CD5L: variants seen among roughly 807,000 people sequenced by gnomAD.
The protein encoded by CD5L is CD5 antigen-like.
CD5L carries 39 observed loss-of-function variants against 40.8 expected under a neutral mutation model. The ratio of observed to expected loss-of-function variants is 0.96; its 90% CI spans 0.74 to 1.25. The LOEUF (loss-of-function observed/expected upper bound fraction) is 1.25. Among genes scored for constraint, CD5L ranks in the 50% most tolerant of loss-of-function variants. The pLI is 0.00. For synonymous variants in CD5L, 192 were observed against 169.6 expected (o/e 1.13, Z -1.03); for missense variants, 433 against 435.9 (o/e 0.99, Z 0.06).
chr1:157,838,599 G>C (rs1656282772), intron 2 of CD5L, among the ~76,000 whole-genome samples: 1 of 151,648 alleles, frequency 6.6e-6, no homozygotes, highest in Admixed American at 6.6e-5. Context: ...GAAATTCAGG[G>C]AAAGAAGAAA....
At position 157,831,008 on chromosome 1, in the gene CD5L, C is replaced by G; in HGVS notation, c.*956G>C. On this transcript the variant is annotated 3_prime_UTR_variant, in exon 6 of 6. Coordinates refer to ENST00000368174, the MANE Select transcript of CD5L (RefSeq NM_005894.3). ...GCCTAGCCTCAGAATCTAAAGTTGT[C>G]AATTTTTACAATCAAGTCTTGATTC... 1 of 985,246 alleles carries G rather than the reference C, an allele frequency of 1.0e-6. No individual in the cohort carries two copies. The highest frequency in any genetic ancestry group is 1.2e-6 in the Non-Finnish European group (1 of 829,800). The allele number at this position is 985,246 out of a possible 1,614,324, so 61.0% of individuals were successfully genotyped here.
Position 157,831,867 on chromosome 1 carries a change from C to A in CD5L, c.*97G>T. On this transcript the variant is annotated 3_prime_UTR_variant, in exon 6 of 6. Transcript: ENST00000368174. ...GGGGATGAGGGAGTAGTGGCTCAAG[C>A]CTGAGCCCCAGAATGAGTATGAGGA... The A allele has an allele frequency of 6.7e-7, 1 of 1,482,268 alleles. No homozygotes were observed. The highest frequency in any genetic ancestry group is 8.9e-7 in the Non-Finnish European group (1 of 1,121,328). 91.8% of individuals were successfully genotyped at this position (1,482,268 alleles called of 1,614,324 possible).
rs139427167 is a variant in CD5L at position 157,835,013 on chromosome 1, A to T, written c.377-265T>A. 6.4e-3 allele frequency among the ~76,000 whole-genome samples: 976 copies of T among 152,326 alleles called. 11 individuals carry two copies. Among genetic ancestry groups the T allele is most frequent in the African/African-American group, 0.022 (929 of 41,568 alleles). On this transcript the variant is annotated intron_variant, in intron 3 of 5. Coordinates refer to ENST00000368174, the MANE Select transcript of CD5L (RefSeq NM_005894.3). ...GTTTTCATGTTCAACTTGTCATTTG[A>T]TCCTCACAAGAGATCTTGTATAGAC...
intron 2 of CD5L, among the ~76,000 whole-genome samples, chr1:157,838,835 C>A (rs1027746524): frequency 6.6e-6 from 1 of 152,228 alleles, no homozygotes; most frequent in East Asian, 1.9e-4. Flanking sequence ...TAATCCACAA[C>A]CCATAGCCTC....
At chr1:157,831,998 G>T in intron 5 of CD5L, 30 bp from the exon 6 acceptor site, 1 of 1,507,434 alleles carries the variant, frequency 6.6e-7, no homozygotes, top group South Asian at 1.2e-5. Context: ...ATGCAGTAAG[G>T]ATGGGTATAG....
At chr1:157,832,289 G>A (rs1465368504) in intron 5 of CD5L, among the ~76,000 whole-genome samples, 1 of 152,198 alleles carries the variant, frequency 6.6e-6, no homozygotes, top group Non-Finnish European at 1.5e-5. Context: ...AGGTTCTGAG[G>A]AGTTAAGTGA....
Position 157,833,398 on chromosome 1 carries a change from T to C in CD5L, c.833A>G (p.Asp278Gly), listed in dbSNP as rs1656102499. 12 of 1,614,058 alleles carry C rather than the reference T, an allele frequency of 7.4e-6. No homozygotes were observed. The highest frequency in any genetic ancestry group is 1.0e-5 in the Non-Finnish European group (12 of 1,179,998). The change falls in exon 5 of 6, where the codon GAC becomes GGC. Residue 278 changes from aspartate to glycine, a missense_variant. Physicochemically the swap from Asp to Gly is moderately conservative, Grantham distance 94 (BLOSUM62 -1). Transcript: ENST00000368174. ...VCDDNWGEKE[D>G]QVVCKQLGCG... ...GCCCAGTTGCTTGCATACCACCTGG[T>C]CCTCCTTTTCTCCCCAGTTGTCATC...
At chr1:157,841,128 G>A (rs140432715) in intron 1 of CD5L, among the ~76,000 whole-genome samples, 245 of 152,180 alleles carry the variant, frequency 1.6e-3, no homozygotes, top group African/African-American at 5.7e-3. Context: ...GGTAACCTAC[G>A]AATTCACACC....
chr1:157,841,692 G>T lies in CD5L; in HGVS notation c.10C>A (p.Leu4Ile). ...TACTCACCAAGGATCAAGGAGAATA[G>T]CAGAGCCATGACCAAGGCAGGTGAA... Reference protein sequence around the residue: MALLFSLILAICTR... With the variant: MALIFSLILAICTR... The change falls in exon 1 of 6, where the codon CTA becomes ATA. Residue 4 changes from leucine to isoleucine, a missense_variant. Transcript: ENST00000368174. 1 of 1,613,324 alleles carries T rather than the reference G, an allele frequency of 6.2e-7. No individual in the cohort carries two copies. Among genetic ancestry groups the T allele is most frequent in the Non-Finnish European group, 8.5e-7 (1 of 1,179,662 alleles).
In CD5L at chr1:157,831,084, A is replaced by G. The variant is rs1656034075; in HGVS notation, c.*880T>C. ...TACAGGCCCCAAAGTCTCAGTTGAT[A>G]AAGTGAAAATGATATTTTTCACTTT... is the stretch of plus-strand genomic sequence containing the variant. On this transcript the variant is annotated 3_prime_UTR_variant, in exon 6 of 6. Transcript: ENST00000368174. 1.5e-5 allele frequency: 15 copies of G among 985,424 alleles called. No homozygotes were observed. The highest frequency in any genetic ancestry group is 1.6e-5 in the Non-Finnish European group (13 of 829,916). 61.0% of individuals were successfully genotyped at this position (985,424 alleles called of 1,614,324 possible).
downstream of CD5L, among the ~76,000 whole-genome samples, chr1:157,830,689 T>C (rs767816636): frequency 6.6e-6 from 1 of 152,196 alleles, no homozygotes; most frequent in African/African-American, 2.4e-5. Context: ...CTATCAGAAG[T>C]GTGTTAGCCT....
downstream of CD5L, among the ~76,000 whole-genome samples, chr1:157,827,680 G>A (rs1428965927): frequency 1.7e-4 from 26 of 152,166 alleles, 2 homozygotes; most frequent in Admixed American, 1.7e-3. Context: ...AACTCATCTG[G>A]AAACATCTTC....
intron 5 of CD5L, among the ~76,000 whole-genome samples, chr1:157,832,299 A>G (rs1656071832): frequency 6.6e-6 from 1 of 152,234 alleles, no homozygotes; most frequent in African/African-American, 2.4e-5. Context: ...GAGTTAAGTG[A>G]CTAACATTAC....
At chr1:157,837,060 C>T (rs1220057992) in intron 2 of CD5L, among the ~76,000 whole-genome samples, 1 of 151,982 alleles carries the variant, frequency 6.6e-6, no homozygotes, top group African/African-American at 2.4e-5. Context: ...AGTTTAAGAC[C>T]AGCCTGGACC....
At chr1:157,833,967 T>A (rs902669912) in intron 4 of CD5L, among the ~76,000 whole-genome samples, 1 of 152,086 alleles carries the variant, frequency 6.6e-6, no homozygotes, top group Admixed American at 6.5e-5. Context: ...ACTCTCCACA[T>A]GTATTTCTGT....
In CD5L at chr1:157,831,112, C is replaced by T. The variant is rs995538891; in HGVS notation, c.*852G>A. 1 of 985,374 alleles carries T rather than the reference C, an allele frequency of 1.0e-6. No homozygotes were observed. 61.0% of individuals were successfully genotyped at this position (985,374 alleles called of 1,614,324 possible). Reference sequence around the variant, plus strand: ...GTGAAAATGATATTTTTCACTTTCGCTTGGCATAAGACACAACTTTAGCCC... The same window carrying T: ...GTGAAAATGATATTTTTCACTTTCGTTTGGCATAAGACACAACTTTAGCCC... On this transcript the variant is annotated 3_prime_UTR_variant, in exon 6 of 6. Coordinates refer to ENST00000368174, the MANE Select transcript of CD5L (RefSeq NM_005894.3).
Position 157,836,047 on chromosome 1 carries a change from A to G in CD5L, c.164T>C (p.Ile55Thr). The G allele has an allele frequency of 6.2e-7, 1 of 1,614,112 alleles. No individual in the cohort carries two copies. The stretch of plus-strand genomic sequence containing the variant: ...CCGGCACAACACAGCCACGTCCTTA[A>G]TGTCCCAGCCGTCATCACACACGGT... ...WGTVCDDGWD[I>T]KDVAVLCREL... is the part of the protein sequence containing the mutation. The change falls in exon 3 of 6, where the codon ATT becomes ACT. Residue 55 changes from isoleucine to threonine, a missense_variant. Coordinates refer to ENST00000368174, the MANE Select transcript of CD5L (RefSeq NM_005894.3).
At chr1:157,829,962 G>C (rs184614198), downstream of CD5L, among the ~76,000 whole-genome samples, 2 of 152,248 alleles carry the variant, frequency 1.3e-5, no homozygotes, top group African/African-American at 4.8e-5. Flanking sequence ...CTCTGTGGAA[G>C]GGCTTCCTCC....
chr1:157,829,158 T>G (rs1204355532), downstream of CD5L, among the ~76,000 whole-genome samples: 1 of 152,218 alleles, frequency 6.6e-6, no homozygotes, highest in Non-Finnish European at 1.5e-5. Context: ...TAGCATGAGA[T>G]GAGGTTGGAG....
Sources: allele counts gnomAD v4.1 joint callset (sites outside exome capture counted in the v4.1 genomes callset), GRCh38; gene constraint gnomAD v4.1.1; transcripts MANE v1.5; gene names NCBI Gene and HGNC (gene_info 2026-07-23, HGNC 2026-07-21).